Variants in OR1B1 observed in about 807,000 individuals in gnomAD.
OR1B1 encodes the protein olfactory receptor family 1 subfamily B member 1.
For missense variants in OR1B1, 414 were observed against 402.1 expected, an observed-to-expected ratio of 1.03 and a Z score of -0.25; for synonymous variants, 168 against 156.2, an observed-to-expected ratio of 1.08 and a Z score of -0.57.
chr9:122,638,290 A>T, the OR1B1 span, among the ~76,000 whole-genome samples: 1 of 152,184 alleles, frequency 6.6e-6, no homozygotes, highest in African/African-American at 2.4e-5. Flanking sequence ...GAACTGAAAC[A>T]AAAAAGGGCA....
At chr9:122,648,427 TTATG>T in the OR1B1 span, among the ~76,000 whole-genome samples, 1 of 152,184 alleles carries the variant, frequency 6.6e-6, no homozygotes, top group African/African-American at 2.4e-5. Context: ...TAAGAGCTAT[TTATG>T]ACAAACCCAC....
upstream of OR1B1, among the ~76,000 whole-genome samples, chr9:122,634,054 T>C (rs1011807423): frequency 6.8e-6 from 1 of 146,030 alleles, no homozygotes; most frequent in East Asian, 2.1e-4. Context: ...AATACAAAAT[T>C]AGCCAGGCAT....
chr9:122,635,577 G>A, the OR1B1 span, among the ~76,000 whole-genome samples: 1 of 152,124 alleles, frequency 6.6e-6, no homozygotes, highest in African/African-American at 2.4e-5. Flanking sequence ...ATGTTAATTT[G>A]CTTGACTGTT....
At chr9:122,631,828 A>G (rs1830206742), upstream of OR1B1, among the ~76,000 whole-genome samples, 1 of 152,192 alleles carries the variant, frequency 6.6e-6, no homozygotes, top group African/African-American at 2.4e-5. Flanking sequence ...CACACAGGGT[A>G]TGTGAGAACA....
the OR1B1 span, among the ~76,000 whole-genome samples, chr9:122,655,588 A>G: frequency 6.6e-6 from 1 of 151,748 alleles, no homozygotes. Flanking sequence ...CAAACACAGC[A>G]ACAGAAAACC....
At chr9:122,635,463 TTAA>T in the OR1B1 span, among the ~76,000 whole-genome samples, 2 of 152,138 alleles carry the variant, frequency 1.3e-5, no homozygotes, top group Non-Finnish European at 2.9e-5. Flanking sequence ...AGAAGACATA[TTAA>T]TAATATTGCA....
chr9:122,640,429 G>A, the OR1B1 span, among the ~76,000 whole-genome samples: 2 of 151,982 alleles, frequency 1.3e-5, no homozygotes, highest in Non-Finnish European at 2.9e-5. Context: ...ACCTAATGAA[G>A]CCAAGTATAT....
chr9:122,642,433 ACACT>A, the OR1B1 span, among the ~76,000 whole-genome samples: 1 of 152,118 alleles, frequency 6.6e-6, no homozygotes, highest in Non-Finnish European at 1.5e-5. Context: ...TGAAGGACAG[ACACT>A]CAGCAGACAG....
At chr9:122,641,090 T>A in the OR1B1 span, among the ~76,000 whole-genome samples, 1 of 152,150 alleles carries the variant, frequency 6.6e-6, no homozygotes, top group Non-Finnish European at 1.5e-5. Context: ...TGGAATGAGG[T>A]CATGAAAATA....
chr9:122,656,026 G>C, the OR1B1 span, among the ~76,000 whole-genome samples: 1 of 152,100 alleles, frequency 6.6e-6, no homozygotes, highest in African/African-American at 2.4e-5. Context: ...CTATGAGTAA[G>C]ACTCAGTTTC....
chr9:122,651,843 A>G, the OR1B1 span, among the ~76,000 whole-genome samples: 1 of 152,230 alleles, frequency 6.6e-6, no homozygotes, highest in African/African-American at 2.4e-5. Context: ...GCTAGAGTGC[A>G]GTGGCACTAT....
the OR1B1 span, among the ~76,000 whole-genome samples, chr9:122,642,815 A>G: frequency 3.3e-5 from 5 of 152,206 alleles, no homozygotes; most frequent in African/African-American, 1.2e-4. Context: ...ACGAAATTGA[A>G]TATAATTCTA....
At chr9:122,633,670 C>T (rs1179942653), upstream of OR1B1, among the ~76,000 whole-genome samples, 2 of 152,140 alleles carry the variant, frequency 1.3e-5, no homozygotes, top group Admixed American at 6.5e-5. Context: ...TGGCTCATGC[C>T]TGTAATCCCA....
the OR1B1 span, among the ~76,000 whole-genome samples, chr9:122,652,577 A>G: frequency 1.3e-5 from 2 of 152,170 alleles, no homozygotes; most frequent in Admixed American, 6.6e-5. Context: ...TTGTATCTTT[A>G]TTACAGGTTT....
At chr9:122,632,179 T>A (rs1404939827), upstream of OR1B1, among the ~76,000 whole-genome samples, 1 of 151,952 alleles carries the variant, frequency 6.6e-6, no homozygotes, top group Non-Finnish European at 1.5e-5. Context: ...AATCAACAAA[T>A]AATGTGATAA....
At chr9:122,635,326 A>T in the OR1B1 span, among the ~76,000 whole-genome samples, 1 of 152,226 alleles carries the variant, frequency 6.6e-6, no homozygotes, top group Non-Finnish European at 1.5e-5. Flanking sequence ...AAAACTAAAT[A>T]CATAGAAACA....
chr9:122,628,909 A>G lies in OR1B1; in HGVS notation c.627T>C (p.Gly209=), dbSNP rs755547421. 12 of 1,614,052 alleles carry G rather than the reference A, an allele frequency of 7.4e-6. No homozygotes were observed. The Admixed American group carries it at 2.0e-4, about 27-fold the overall frequency. Residue 209 remains glycine, a synonymous_variant, in exon 1 of 1, where the codon GGT becomes GGC. Coordinates refer to ENST00000623530, the Ensembl canonical transcript of OR1B1. ...CACAGGGGCCCAGCATAAGGAAGCCACCCTCAAAGAATATGGCCAGCTCAT... is the reference window on the plus strand; with the variant it reads ...CACAGGGGCCCAGCATAAGGAAGCCGCCCTCAAAGAATATGGCCAGCTCAT...
At chr9:122,654,590 A>G in the OR1B1 span, among the ~76,000 whole-genome samples, 6 of 152,296 alleles carry the variant, frequency 3.9e-5, no homozygotes, top group South Asian at 2.1e-4. Context: ...TATTTCATCA[A>G]AACTTTTCAT....
the OR1B1 span, among the ~76,000 whole-genome samples, chr9:122,641,104 C>T: frequency 6.6e-6 from 1 of 152,110 alleles, no homozygotes; most frequent in Non-Finnish European, 1.5e-5. Flanking sequence ...GAAAATATTC[C>T]TCAGTAGGTA....
Sources: allele counts gnomAD v4.1 joint callset (sites outside exome capture counted in the v4.1 genomes callset), GRCh38; gene constraint gnomAD v4.1.1; transcripts MANE v1.5; gene names NCBI Gene and HGNC (gene_info 2026-07-23, HGNC 2026-07-21).